Variants in ANK1 observed in about 807,000 individuals in gnomAD.
ANK1 encodes the protein ankyrin-1.
A neutral mutation model predicts 210.4 loss-of-function variants in ANK1; 51 were observed. That is an observed-to-expected ratio of 0.24 (90% confidence interval 0.19 to 0.31). The LOEUF is 0.31. Among genes scored for constraint, ANK1 ranks in the 10% least tolerant of loss-of-function variants. The probability of loss-of-function intolerance (pLI) is 1.00; values close to 1 mark genes in which losing one functional copy is unlikely to be tolerated. For synonymous variants in ANK1, 967 were observed against 1,025.9 expected, an observed-to-expected ratio of 0.94 and a Z score of 1.10; for missense variants, 2,051 against 2,504.4, an observed-to-expected ratio of 0.82 and a Z score of 3.86.
chr8:41,802,987 G>A (rs1182171055), intron 1 of ANK1, among the ~76,000 whole-genome samples: 1 of 67,934 alleles, frequency 1.5e-5, no homozygotes, highest in Non-Finnish European at 3.0e-5. Flanking sequence ...AAAAGAAAGA[G>A]AGAAAGAGAG....
chr8:41,726,826 C>G (rs1830813913), intron 5 of ANK1, among the ~76,000 whole-genome samples: 1 of 152,222 alleles, frequency 6.6e-6, no homozygotes, highest in African/African-American at 2.4e-5. Context: ...TTGGCTCTAT[C>G]TAGTCCAATT....
chr8:41,768,251 T>C (rs533729939), intron 1 of ANK1, among the ~76,000 whole-genome samples: 2 of 152,196 alleles, frequency 1.3e-5, no homozygotes, highest in African/African-American at 4.8e-5. Flanking sequence ...AAAAGCAGTG[T>C]CAGGTAACTG....
intron 1 of ANK1, among the ~76,000 whole-genome samples, chr8:41,896,068 T>C (rs1192837520): frequency 6.6e-6 from 1 of 152,172 alleles, no homozygotes; most frequent in Non-Finnish European, 1.5e-5. Flanking sequence ...CCGGGTGCTG[T>C]CCAAGGTGCT....
chr8:41,884,688 C>T (rs1036030375), intron 1 of ANK1, among the ~76,000 whole-genome samples: 1 of 152,126 alleles, frequency 6.6e-6, no homozygotes. Flanking sequence ...TAAAAAAATA[C>T]CCAGTTTGGT....
At chr8:41,769,725 G>T (rs1204009502) in intron 1 of ANK1, among the ~76,000 whole-genome samples, 1 of 151,982 alleles carries the variant, frequency 6.6e-6, no homozygotes, top group African/African-American at 2.4e-5. Flanking sequence ...AAGATAATGG[G>T]CATAATCACC....
intron 1 of ANK1, among the ~76,000 whole-genome samples, chr8:41,840,706 G>A (rs566265257): frequency 6.6e-6 from 1 of 152,278 alleles, no homozygotes; most frequent in Non-Finnish European, 1.5e-5. Context: ...CCAAAGGTGG[G>A]GTCTCCAAAG....
At chr8:41,726,399 T>TA (rs1220621649) in intron 5 of ANK1, among the ~76,000 whole-genome samples, 1 of 151,978 alleles carries the variant, frequency 6.6e-6, no homozygotes, top group Admixed American at 6.6e-5. Context: ...TTATTATTAT[T>TA]TTATTTTTGA....
intron 1 of ANK1, among the ~76,000 whole-genome samples, chr8:41,869,709 C>T (rs1169838673): frequency 1.3e-5 from 2 of 152,176 alleles, no homozygotes; most frequent in Non-Finnish European, 2.9e-5. Flanking sequence ...CTGTGCCTGC[C>T]GAGGCCTGGG....
intron 1 of ANK1, among the ~76,000 whole-genome samples, chr8:41,896,086 CT>C (rs916374424): frequency 3.9e-5 from 6 of 152,230 alleles, no homozygotes; most frequent in African/African-American, 1.4e-4. Flanking sequence ...GCTGAAAGGT[CT>C]CTGCGGGCAG....
rs1312852507 is a variant in ANK1 at position 41,667,296 on chromosome 8, G to C, written c.5394+971C>G. 2.6e-5 allele frequency among the ~76,000 whole-genome samples: 4 copies of C among 152,318 alleles called. No homozygotes were observed. The East Asian group carries it at 7.7e-4, about 29-fold the overall frequency. On this transcript the variant is annotated intron_variant, in intron 39 of 42. Coordinates refer to ENST00000289734, the MANE Select transcript of ANK1 (RefSeq NM_000037.4). ...AGTCCTGGAGTCTAAGGTTGAGGTA[G>C]GAAAGAAGGGAGACAAGGAAAGAAA...
chr8:41,672,339 C>CA lies in ANK1; in HGVS notation c.5096+14dup. ...AAGACAAAAAGGGACCCTGCTCCCA[C>CA]AGTCAAGCTCTTACCTGTCCTGACT... On this transcript the variant is annotated intron_variant, in intron 38 of 42. Coordinates refer to ENST00000289734, the MANE Select transcript of ANK1 (RefSeq NM_000037.4). The CA allele has an allele frequency of 6.2e-7, 1 of 1,613,526 alleles. No homozygotes were observed. The highest frequency in any genetic ancestry group is 8.5e-7 in the Non-Finnish European group (1 of 1,179,624).
At chr8:41,717,183 A>T in intron 12 of ANK1, 132 bp from the exon 13 acceptor site, 1 of 878,100 alleles carries the variant, frequency 1.1e-6, no homozygotes, top group Non-Finnish European at 1.9e-6. Context: ...CCCAGCAGGC[A>T]GCTCTTTAGC....
chr8:41,870,302 C>A (rs1209869108), intron 1 of ANK1, among the ~76,000 whole-genome samples: 2 of 152,124 alleles, frequency 1.3e-5, no homozygotes, highest in Non-Finnish European at 1.5e-5. Context: ...TCAATGGGCA[C>A]AGTCTTTTTA....
chr8:41,758,229 C>A (rs1586744958), intron 1 of ANK1, 92 bp from the exon 2 acceptor site: 4 of 1,160,462 alleles, frequency 3.4e-6, no homozygotes. Context: ...GCAGCCCCTG[C>A]ATCCTCTGAT....
At chr8:41,856,024 A>T (rs1812119636) in intron 1 of ANK1, among the ~76,000 whole-genome samples, 1 of 152,194 alleles carries the variant, frequency 6.6e-6, no homozygotes, top group African/African-American at 2.4e-5. Context: ...ACAAGCCGGG[A>T]CAAAGTTTCC....
intron 1 of ANK1, among the ~76,000 whole-genome samples, chr8:41,821,230 T>A (rs1804209004): frequency 6.6e-6 from 1 of 152,176 alleles, no homozygotes; most frequent in Non-Finnish European, 1.5e-5. Flanking sequence ...TTTGTCAATA[T>A]ACAACATATA....
intron 16 of ANK1, among the ~76,000 whole-genome samples, chr8:41,711,150 G>A (rs1826006379): frequency 6.6e-6 from 1 of 152,202 alleles, no homozygotes; most frequent in African/African-American, 2.4e-5. Flanking sequence ...AAGGAATGGG[G>A]TGCGATGCCG....
chr8:41,752,204 A>C (rs1006508268), intron 2 of ANK1, among the ~76,000 whole-genome samples: 5 of 151,920 alleles, frequency 3.3e-5, no homozygotes, highest in African/African-American at 1.2e-4. Context: ...GTATGTGCCC[A>C]TCCTCTTAGC....
At chr8:41,670,619 C>T (rs963610992) in intron 38 of ANK1, among the ~76,000 whole-genome samples, 2 of 152,230 alleles carry the variant, frequency 1.3e-5, no homozygotes, top group Admixed American at 6.5e-5. Context: ...TCTCAACTTC[C>T]AAACGACTTC....
Sources: gnomAD v4.1 joint callset for allele counts (sites outside exome capture counted in the v4.1 genomes callset) on GRCh38, gnomAD v4.1.1 for gene constraint, MANE v1.5 for transcripts, NCBI Gene and HGNC (gene_info 2026-07-23, HGNC 2026-07-21) for gene names.